BPIFA3: variants seen among roughly 807,000 people sequenced by gnomAD.
BPIFA3 encodes the protein BPI fold containing family A member 3.
A neutral mutation model predicts 29.7 loss-of-function variants in BPIFA3; 32 were observed. That is an observed-to-expected ratio of 1.08 (90% CI 0.81 to 1.45). The LOEUF is 1.45. BPIFA3 is among the 40% of genes most tolerant of loss of function. The pLI, the probability that BPIFA3 is intolerant of heterozygous loss-of-function variation, is 0.00. For missense variants in BPIFA3, 323 were observed against 311.3 expected (o/e 1.04, Z -0.28); for synonymous variants, 112 against 113.7 (o/e 0.98, Z 0.10).
At chr20:33,218,809 T>G (rs1160094133) in intron 1 of BPIFA3, among the ~76,000 whole-genome samples, 3 of 152,210 alleles carry the variant, frequency 2.0e-5, no homozygotes, top group Non-Finnish European at 4.4e-5. Context: ...TTTTTTTTTT[T>G]TGCCAGTTTG....
chr20:33,217,613 G>C lies in BPIFA3; in HGVS notation c.77G>C (p.Trp26Ser). Residue 26 changes from tryptophan to serine, a missense_variant, in exon 1 of 7, where the codon TGG becomes TCG. Trp to Ser is a radical substitution (Grantham distance 177). Coordinates refer to ENST00000375454, the MANE Select transcript of BPIFA3 (RefSeq NM_178466.5). ...ALPLAPHKQP[W>S]PGLAQAHRDN... ...CCCTTGGCACCACACAAGCAGCCTT[G>C]GCCTGGCCTGGCCCAAGCCCACAGA... 6.2e-7 allele frequency: 1 copy of C among 1,614,024 alleles called. No individual in the cohort carries two copies. The highest frequency in any genetic ancestry group is 8.5e-7 in the Non-Finnish European group (1 of 1,179,980).
At chr20:33,224,929 T>C (rs1027730276) in intron 3 of BPIFA3, among the ~76,000 whole-genome samples, 169 bp from the exon 4 acceptor site, 1 of 152,218 alleles carries the variant, frequency 6.6e-6, no homozygotes, top group Non-Finnish European at 1.5e-5. Flanking sequence ...AGCTGTTTTC[T>C]CTTTAATCAC....
At chr20:33,224,045 G>T (rs755059375) in intron 2 of BPIFA3, 84 bp downstream of exon 2, 160 of 1,521,906 alleles carry the variant, frequency 1.1e-4, no homozygotes, top group Non-Finnish European at 1.4e-4. Flanking sequence ...GGGCTGGGGA[G>T]GTGCAAGGCC....
chr20:33,227,517 C>G (rs188494338), intron 6 of BPIFA3, 21 bp from the exon 7 acceptor site: 1 of 1,602,160 alleles, frequency 6.2e-7, no homozygotes, highest in Non-Finnish European at 8.6e-7. Flanking sequence ...TGGTGACAGA[C>G]GCTACCTCTT....
Position 33,226,571 on chromosome 20 carries a change from G to T in BPIFA3, c.621+81G>T, listed in dbSNP as rs2146489809. The T allele has an allele frequency of 4.2e-6, 4 of 949,582 alleles. No individual in the cohort carries two copies. The East Asian group carries it at 7.3e-5, about 17-fold the overall frequency. 58.8% of individuals were successfully genotyped at this position (949,582 alleles called of 1,614,324 possible). On this transcript the variant is annotated intron_variant, in intron 5 of 6. Coordinates refer to ENST00000375454, the MANE Select transcript of BPIFA3 (RefSeq NM_178466.5). ...ATATATCCACTGGCAATTTAGCAAA[G>T]GATTTCAAACATTGGATTTTAGAGC...
chr20:33,217,572 C>T lies in BPIFA3; in HGVS notation c.36C>T (p.Leu12=), dbSNP rs750185694. ...CACTCTGGAGGCTCCTCATCTTCCT[C>T]GGGTTGCTGGCCTTGCCCTTGGCAC... ...MCPLWRLLIF[L]GLLALPLAPH... The change falls in exon 1 of 7, where the codon CTC becomes CTT. Residue 12 remains leucine (L), a synonymous_variant. Coordinates refer to ENST00000375454, the MANE Select transcript of BPIFA3 (RefSeq NM_178466.5). The T allele has an allele frequency of 8.7e-6, 14 of 1,614,092 alleles. No homozygotes were observed. Among genetic ancestry groups the T allele is most frequent in the African/African-American group, 2.7e-5 (2 of 74,942 alleles).
At chr20:33,226,278 A>G in intron 4 of BPIFA3, 128 bp from the exon 5 acceptor site, 1 of 703,600 alleles carries the variant, frequency 1.4e-6, no homozygotes, top group South Asian at 1.7e-5. Context: ...ATCACTGACA[A>G]TGATACTTCT....
At chr20:33,226,898 G>A (rs374153892) in intron 5 of BPIFA3, 32 bp from the exon 6 acceptor site, 10 of 1,613,838 alleles carry the variant, frequency 6.2e-6, no homozygotes, top group Non-Finnish European at 8.5e-6. Context: ...CCAGCCCCTG[G>A]CCTGATCCTT....
rs1240346355 is a variant in BPIFA3, at chr20:33,227,683, G to C, written c.*66G>C. 7.1e-7 allele frequency: 1 copy of C among 1,408,724 alleles called. No homozygotes were observed. The highest frequency in any genetic ancestry group is 1.0e-6 in the Non-Finnish European group (1 of 997,758). 87.3% of individuals were successfully genotyped at this position (1,408,724 alleles called of 1,614,324 possible). A position where few individuals can be genotyped will look rare whatever the true frequency, so the allele number is the denominator to read the frequency against. The stretch of plus-strand genomic sequence containing the variant: ...AAGTCTCCCTTAGAGTGGGGCTTCT[G>C]CTACCCTAAAAACTTTACCCCAGGC... On this transcript the variant is annotated 3_prime_UTR_variant, in exon 7 of 7. Transcript: ENST00000375454.
At chr20:33,225,377 C>T (rs1459830129) in intron 4 of BPIFA3, 130 bp downstream of exon 4, 1 of 1,333,254 alleles carries the variant, frequency 7.5e-7, no homozygotes, top group East Asian at 2.4e-5. Context: ...ATCTGCTCCT[C>T]CTCCCATGTT....
At chr20:33,222,668 ATGAG>A (rs1399983986) in intron 1 of BPIFA3, among the ~76,000 whole-genome samples, 1,704 of 136,538 alleles carry the variant, frequency 0.012, 45 homozygotes, top group African/African-American at 0.055. Flanking sequence ...GGATGGATGG[ATGAG>A]TGGATGGATG....
At chr20:33,226,208 A>G (rs2146489456) in intron 4 of BPIFA3, 198 bp from the exon 5 acceptor site, 1 of 533,280 alleles carries the variant, frequency 1.9e-6, no homozygotes, top group South Asian at 2.4e-5. Flanking sequence ...CATGTTTCTA[A>G]TATAACCAGC....
intron 1 of BPIFA3, among the ~76,000 whole-genome samples, chr20:33,222,554 AGATGGATG>A (rs56018803): frequency 0.034 from 4,365 of 128,716 alleles, 89 homozygotes; most frequent in Middle Eastern, 0.079. Flanking sequence ...ATAGATGGAC[AGATGGATG>A]GATGGATGGA....
chr20:33,224,238 G>A (rs904197810), intron 2 of BPIFA3, 117 bp from the exon 3 acceptor site: 4 of 917,544 alleles, frequency 4.4e-6, no homozygotes, highest in Non-Finnish European at 6.7e-6. Flanking sequence ...AAGAATCACA[G>A]TCCAAATCCC....
chr20:33,217,712 G>A (rs1463647140), intron 1 of BPIFA3, 49 bp downstream of exon 1: 1 of 1,572,894 alleles, frequency 6.4e-7, no homozygotes, highest in South Asian at 1.2e-5. Flanking sequence ...CTGGGGAGGT[G>A]GGAAGGTGCC....
intron 1 of BPIFA3, among the ~76,000 whole-genome samples, chr20:33,222,739 T>C (rs1985588478): frequency 6.6e-6 from 1 of 152,166 alleles, no homozygotes; most frequent in African/African-American, 2.4e-5. Context: ...TGGCAACCAC[T>C]GGTGTCTGCT....
chr20:33,217,573 G>C lies in BPIFA3; in HGVS notation c.37G>C (p.Gly13Arg). 1.2e-6 allele frequency: 2 copies of C among 1,614,092 alleles called. No homozygotes were observed. Among genetic ancestry groups the C allele is most frequent in the African/African-American group, 1.3e-5 (1 of 75,032 alleles). ...ACTCTGGAGGCTCCTCATCTTCCTC[G>C]GGTTGCTGGCCTTGCCCTTGGCACC... ...CPLWRLLIFL[G>R]LLALPLAPHK... is the part of the protein sequence containing the mutation. The change falls in exon 1 of 7, where the codon GGG becomes CGG. Residue 13 changes from glycine to arginine, a missense_variant. Coordinates refer to ENST00000375454, the MANE Select transcript of BPIFA3 (RefSeq NM_178466.5).
chr20:33,226,948 GA>G lies in BPIFA3; in HGVS notation c.643del (p.Ile215SerfsTer7). On this transcript the variant is annotated frameshift_variant, in exon 6 of 7. Coordinates refer to ENST00000375454, the MANE Select transcript of BPIFA3 (RefSeq NM_178466.5). LOFTEE classifies it low-confidence loss of function (END_TRUNC). ...GGTCCAGGTATGTCCTCTGATCGGT[GA>G]AATCCTCGGGCAGCTGGATGTGAAA... is the stretch of plus-strand genomic sequence containing the variant. ...VESQVCPLIGEILGQLDVKLL... is the reference protein window; with the variant it reads ...VESQVCPLIGXILGQLDVKLL... The G allele has an allele frequency of 6.2e-7, 1 of 1,614,140 alleles. No individual in the cohort carries two copies. Among genetic ancestry groups the G allele is most frequent in the Non-Finnish European group, 8.5e-7 (1 of 1,180,012 alleles).
rs1201399032 is a variant in BPIFA3, at chr20:33,227,538, A to G, written c.686A>G (p.Glu229Gly). Reference protein sequence around the residue: ...LDVKLLKSLIEQEAAHEPTHH... With the variant: ...LDVKLLKSLIGQEAAHEPTHH... ...CAGACGCTACCTCTTCTCCTTACAG[A>G]ACAGGAGGCTGCTCATGAACCAACC... Residue 229 changes from glutamate (E) to glycine (G), a missense_variant and splice_region_variant, in exon 7 of 7, where the codon GAA becomes GGA. Physicochemically the swap from Glu to Gly is moderately conservative, Grantham distance 98. Transcript: ENST00000375454. 6.2e-7 allele frequency: 1 copy of G among 1,613,490 alleles called. No homozygotes were observed. Among genetic ancestry groups the G allele is most frequent in the South Asian group, 1.1e-5 (1 of 91,066 alleles).
Sources: allele counts gnomAD v4.1 joint callset (sites outside exome capture counted in the v4.1 genomes callset), GRCh38; gene constraint gnomAD v4.1.1; transcripts MANE v1.5; gene names NCBI Gene and HGNC (gene_info 2026-07-23, HGNC 2026-07-21).